Variants in SH3PXD2B observed in about 807,000 individuals in gnomAD.
SH3PXD2B encodes SH3 and PX domain-containing protein 2B.
Under a neutral mutation model 73.1 loss-of-function variants are expected in SH3PXD2B, and 37 were observed. The observed-to-expected ratio is 0.51, with a 90% CI of 0.39 to 0.67. SH3PXD2B has a LOEUF of 0.67. Among genes scored for constraint, SH3PXD2B ranks in the 30% least tolerant of loss-of-function variants. SH3PXD2B has a pLI of 0.00. For missense variants in SH3PXD2B, 1,053 were observed against 1,197.8 expected, an observed-to-expected ratio of 0.88 and a Z score of 1.78; for synonymous variants, 457 against 480.5, an observed-to-expected ratio of 0.95 and a Z score of 0.64.
intron 2 of SH3PXD2B, among the ~76,000 whole-genome samples, chr5:172,412,894 T>G (rs752503283): frequency 6.6e-5 from 10 of 151,440 alleles, no homozygotes; most frequent in Non-Finnish European, 1.3e-4. Flanking sequence ...ATTTGGGGAG[T>G]AGGAAGGGAG....
intron 4 of SH3PXD2B, among the ~76,000 whole-genome samples, chr5:172,383,632 C>T (rs1352610741): frequency 6.6e-6 from 1 of 152,210 alleles, no homozygotes; most frequent in Non-Finnish European, 1.5e-5. Context: ...TTGTTGCACA[C>T]ACCTGTGCAG....
At chr5:172,410,413 T>C (rs1282820111) in intron 2 of SH3PXD2B, among the ~76,000 whole-genome samples, 9 of 152,150 alleles carry the variant, frequency 5.9e-5, no homozygotes, top group Non-Finnish European at 7.4e-5. Context: ...GAGGCCACAG[T>C]GGGGACTTGC....
chr5:172,370,933 C>A (rs140720679), intron 6 of SH3PXD2B, among the ~76,000 whole-genome samples: 217 of 152,234 alleles, frequency 1.4e-3, no homozygotes, highest in African/African-American at 5.1e-3. Flanking sequence ...AAGCTAAATT[C>A]TAGGAGTTGC....
chr5:172,407,045 C>T (rs1035556338), intron 2 of SH3PXD2B, among the ~76,000 whole-genome samples: 2 of 152,162 alleles, frequency 1.3e-5, no homozygotes, highest in Non-Finnish European at 2.9e-5. Context: ...TGTGAAATAT[C>T]GGATTTGGCA....
intron 6 of SH3PXD2B, 124 bp downstream of exon 6, chr5:172,373,666 C>G: frequency 1.1e-5 from 13 of 1,139,490 alleles, no homozygotes; most frequent in Non-Finnish European, 1.5e-5. Context: ...TCCCTCCTGC[C>G]AACCATCCAC....
intron 7 of SH3PXD2B, among the ~76,000 whole-genome samples, chr5:172,362,431 C>T (rs983770721): frequency 1.3e-5 from 2 of 152,184 alleles, no homozygotes; most frequent in Admixed American, 1.3e-4. Flanking sequence ...ATCAACAGAG[C>T]ACATTTCCAG....
chr5:172,414,383 C>A (rs369920960), intron 2 of SH3PXD2B, among the ~76,000 whole-genome samples: 14 of 144,922 alleles, frequency 9.7e-5, no homozygotes, highest in African/African-American at 3.3e-4. Flanking sequence ...GTGGGGGAAT[C>A]GTTTGAACCC....
At chr5:172,358,315 G>T (rs942541559) in intron 8 of SH3PXD2B, among the ~76,000 whole-genome samples, 1 of 152,262 alleles carries the variant, frequency 6.6e-6, no homozygotes, top group South Asian at 2.1e-4. Context: ...GGAAACAACG[G>T]AAGTGTGTCT....
chr5:172,390,827 GT>G (rs990576526), intron 4 of SH3PXD2B, among the ~76,000 whole-genome samples: 7 of 126,442 alleles, frequency 5.5e-5, no homozygotes, highest in Non-Finnish European at 9.6e-5. Context: ...GTGTGTGTGT[GT>G]GTGTGTGTGT....
intron 9 of SH3PXD2B, among the ~76,000 whole-genome samples, chr5:172,352,697 T>G (rs1368930306): frequency 3.3e-5 from 5 of 152,202 alleles, no homozygotes; most frequent in Non-Finnish European, 7.3e-5. Context: ...TCACAAGATC[T>G]GATGGATTTA....
chr5:172,397,036 C>G (rs1028147164), intron 3 of SH3PXD2B, among the ~76,000 whole-genome samples: 13 of 152,224 alleles, frequency 8.5e-5, no homozygotes, highest in African/African-American at 3.1e-4. Context: ...CCAGGCGGAA[C>G]AGAGCCATAT....
intron 6 of SH3PXD2B, among the ~76,000 whole-genome samples, chr5:172,371,618 T>C (rs1757707548): frequency 6.6e-6 from 1 of 152,202 alleles, no homozygotes; most frequent in South Asian, 2.1e-4. Context: ...TTCCAACCAG[T>C]TGAACTATAA....
intron 1 of SH3PXD2B, among the ~76,000 whole-genome samples, chr5:172,431,189 C>T (rs1759230603): frequency 6.6e-6 from 1 of 152,240 alleles, no homozygotes; most frequent in Admixed American, 6.5e-5. Flanking sequence ...TTCTGCCTAA[C>T]CCCCATGGCC....
At chr5:172,347,889 A>G (rs1273477015) in intron 10 of SH3PXD2B, among the ~76,000 whole-genome samples, 3 of 152,276 alleles carry the variant, frequency 2.0e-5, no homozygotes, top group African/African-American at 7.2e-5. Context: ...ACTGAACCAA[A>G]CACACTTGGG....
intron 6 of SH3PXD2B, among the ~76,000 whole-genome samples, chr5:172,368,560 A>G (rs1418501390): frequency 4.3e-5 from 1 of 23,000 alleles, no homozygotes; most frequent in Non-Finnish European, 5.9e-5. Flanking sequence ...TATATTATAT[A>G]TATATAAAAT....
intron 2 of SH3PXD2B, among the ~76,000 whole-genome samples, chr5:172,410,135 T>A (rs1030841083): frequency 2.0e-5 from 3 of 152,246 alleles, no homozygotes; most frequent in African/African-American, 7.2e-5. Flanking sequence ...GATATACTGA[T>A]TTCCTTTCCT....
chr5:172,354,074 G>A, intron 8 of SH3PXD2B, 69 bp from the exon 9 acceptor site: 1 of 1,433,088 alleles, frequency 7.0e-7, no homozygotes, highest in Non-Finnish European at 9.8e-7. Flanking sequence ...TAATCCCCGT[G>A]ATGCCCTTGC....
intron 10 of SH3PXD2B, among the ~76,000 whole-genome samples, chr5:172,348,328 C>T (rs372071867): frequency 3.3e-5 from 5 of 151,708 alleles, no homozygotes; most frequent in South Asian, 2.1e-4. Context: ...GGGAAAGCAA[C>T]GCCTTTTTTT....
chr5:172,438,419 G>C (rs1241729178), intron 1 of SH3PXD2B, among the ~76,000 whole-genome samples: 1 of 152,174 alleles, frequency 6.6e-6, no homozygotes, highest in East Asian at 1.9e-4. Flanking sequence ...TCCCCCCAGT[G>C]CCTGGCGACA....
Sources: allele counts gnomAD v4.1 joint callset (sites outside exome capture counted in the v4.1 genomes callset), GRCh38; gene constraint gnomAD v4.1.1; transcripts MANE v1.5; gene names NCBI Gene and HGNC (gene_info 2026-07-23, HGNC 2026-07-21).